The following SLC35D4 variants were observed in gnomAD, a reference collection of about 807,000 sequenced individuals.
SLC35D4 encodes the protein UDP-N-acetylglucosamine transporter SLC35D4.
At chr18:23,371,319 T>C in the SLC35D4 span, 1 of 931,636 alleles carries the variant, frequency 1.1e-6, no homozygotes, top group Non-Finnish European at 1.5e-6. Context: ...GGTCTTCCAT[T>C]CCTGGGCCCA....
chr18:23,338,159 A>C, the SLC35D4 span, among the ~76,000 whole-genome samples: 2 of 152,224 alleles, frequency 1.3e-5, no homozygotes, highest in Non-Finnish European at 2.9e-5. Context: ...AAATGTTCTG[A>C]ATCAATGACT....
chr18:23,365,932 C>T, the SLC35D4 span, among the ~76,000 whole-genome samples: 13 of 152,176 alleles, frequency 8.5e-5, no homozygotes, highest in African/African-American at 3.1e-4. Flanking sequence ...TGTCTCTTTT[C>T]TCAATCCTGG....
the SLC35D4 span, among the ~76,000 whole-genome samples, chr18:23,275,610 T>C: frequency 2.3e-5 from 3 of 127,816 alleles, no homozygotes; most frequent in Admixed American, 7.7e-5. Context: ...TGCTGTGCTG[T>C]GCTGTGCTGT....
chr18:23,437,786 T>C, the SLC35D4 span: 1 of 1,611,180 alleles, frequency 6.2e-7, no homozygotes, highest in Non-Finnish European at 8.5e-7. Context: ...CTCACCTTGT[T>C]CGTGAGGTAA....
At chr18:23,243,943 C>T in the SLC35D4 span, among the ~76,000 whole-genome samples, 55 of 151,882 alleles carry the variant, frequency 3.6e-4, no homozygotes, top group African/African-American at 1.2e-3. Flanking sequence ...AGCATCTGCT[C>T]TCTATGTATT....
At chr18:23,320,433 T>C in the SLC35D4 span, among the ~76,000 whole-genome samples, 658 of 152,370 alleles carry the variant, frequency 4.3e-3, 7 homozygotes, top group African/African-American at 0.015. Context: ...TTTAACATAT[T>C]ATCCAGTCAT....
chr18:23,294,874 T>A, the SLC35D4 span, among the ~76,000 whole-genome samples: 1 of 152,096 alleles, frequency 6.6e-6, no homozygotes, highest in Non-Finnish European at 1.5e-5. Context: ...TGAAAAAGGA[T>A]CTAAAACTTC....
chr18:23,437,917 C>T, the SLC35D4 span: 3 of 1,536,534 alleles, frequency 2.0e-6, no homozygotes, highest in Non-Finnish European at 2.7e-6. Context: ...CGCCGCCCGA[C>T]CCCCGCAGCA....
chr18:23,419,424 C>G, the SLC35D4 span, among the ~76,000 whole-genome samples: 1 of 152,044 alleles, frequency 6.6e-6, no homozygotes, highest in Non-Finnish European at 1.5e-5. Context: ...TTTCAAGTAG[C>G]TGGGATTACA....
the SLC35D4 span, among the ~76,000 whole-genome samples, chr18:23,428,663 TCATGTCAC>T: frequency 6.6e-6 from 1 of 151,578 alleles, no homozygotes; most frequent in African/African-American, 2.4e-5. Context: ...GACTACAGGT[TCATGTCAC>T]CATGCCTAGC....
the SLC35D4 span, among the ~76,000 whole-genome samples, chr18:23,380,865 T>A: frequency 2.6e-5 from 4 of 152,100 alleles, no homozygotes; most frequent in Admixed American, 6.6e-5. Flanking sequence ...GAAAATGAAC[T>A]CTACAGCTCC....
the SLC35D4 span, among the ~76,000 whole-genome samples, chr18:23,325,979 G>A: frequency 1.3e-5 from 2 of 152,226 alleles, no homozygotes; most frequent in African/African-American, 2.4e-5. Flanking sequence ...CAAGGAGTAT[G>A]CATTTCAGAA....
At chr18:23,399,680 T>G in the SLC35D4 span, 1 of 1,609,602 alleles carries the variant, frequency 6.2e-7, no homozygotes, top group Non-Finnish European at 8.5e-7. Flanking sequence ...ATAACACTTT[T>G]GCCACTTTTT....
chr18:23,299,839 A>G, the SLC35D4 span, among the ~76,000 whole-genome samples: 1 of 152,214 alleles, frequency 6.6e-6, no homozygotes, highest in Non-Finnish European at 1.5e-5. Context: ...AGGGAGACTG[A>G]TGCCTAGTAC....
chr18:23,359,963 T>C, the SLC35D4 span, among the ~76,000 whole-genome samples: 1 of 152,222 alleles, frequency 6.6e-6, no homozygotes, highest in Non-Finnish European at 1.5e-5. Context: ...GTGGGGCCCA[T>C]GCTGAGGGCA....
chr18:23,408,577 C>G, the SLC35D4 span, among the ~76,000 whole-genome samples: 1 of 152,128 alleles, frequency 6.6e-6, no homozygotes, highest in Non-Finnish European at 1.5e-5. Context: ...TTTTCAAGAG[C>G]AGGGATAAGA....
At chr18:23,420,977 CTCACGCCTG>C in the SLC35D4 span, among the ~76,000 whole-genome samples, 1 of 151,930 alleles carries the variant, frequency 6.6e-6, no homozygotes, top group African/African-American at 2.4e-5. Flanking sequence ...GGCATGGTGG[CTCACGCCTG>C]TAATCCTAGC....
the SLC35D4 span, among the ~76,000 whole-genome samples, chr18:23,282,344 A>C: frequency 6.6e-6 from 1 of 152,070 alleles, no homozygotes; most frequent in Non-Finnish European, 1.5e-5. Context: ...GAACTGGCCT[A>C]GGTTTATATG....
the SLC35D4 span, chr18:23,253,753 T>C: frequency 6.2e-7 from 1 of 1,614,174 alleles, no homozygotes. Context: ...TGCGGAAGCT[T>C]GCGCAGGAGG....
Sources: gnomAD v4.1 joint callset for allele counts (sites outside exome capture counted in the v4.1 genomes callset) on GRCh38, gnomAD v4.1.1 for gene constraint, MANE v1.5 for transcripts, NCBI Gene and HGNC (gene_info 2026-07-23, HGNC 2026-07-21) for gene names.